LUZP2: variants seen among roughly 807,000 people sequenced by gnomAD.
LUZP2 encodes the protein leucine zipper protein 2.
LUZP2 carries 52 observed loss-of-function variants against 51.6 expected under a neutral mutation model. The ratio of observed to expected loss-of-function variants is 1.01; its 90% CI spans 0.81 to 1.27. The LOEUF (loss-of-function observed/expected upper bound fraction) is 1.27. LUZP2 is among the 50% of genes most tolerant of loss of function. LUZP2 has a pLI of 0.00. For missense variants in LUZP2, 436 were observed against 395.4 expected (o/e 1.10, Z -0.87); for synonymous variants, 154 against 137.3 (o/e 1.12, Z -0.85).
chr11:24,841,199 T>C (rs1851020653), intron 5 of LUZP2, among the ~76,000 whole-genome samples: 1 of 151,932 alleles, frequency 6.6e-6, no homozygotes, highest in Non-Finnish European at 1.5e-5. Flanking sequence ...GAAACTTCCA[T>C]GGTGGAATTA....
intron 5 of LUZP2, among the ~76,000 whole-genome samples, chr11:24,809,576 C>A (rs1032857705): frequency 1.3e-5 from 2 of 151,940 alleles, no homozygotes; most frequent in East Asian, 1.9e-4. Context: ...CATAGCCAAG[C>A]CTTAAGGTAT....
chr11:25,076,480 TAAA>T (rs999910276), intron 10 of LUZP2, among the ~76,000 whole-genome samples: 8 of 147,202 alleles, frequency 5.4e-5, no homozygotes, highest in African/African-American at 1.5e-4. Flanking sequence ...ATGTATATGA[TAAA>T]GAAGAAAGGA....
At chr11:24,676,166 T>C (rs2133859394) in intron 1 of LUZP2, among the ~76,000 whole-genome samples, 1 of 152,186 alleles carries the variant, frequency 6.6e-6, no homozygotes, top group Non-Finnish European at 1.5e-5. Flanking sequence ...TAATGGCAGA[T>C]TTTACTCTTC....
intron 5 of LUZP2, among the ~76,000 whole-genome samples, chr11:24,896,488 C>A (rs1435351871): frequency 6.6e-6 from 1 of 152,188 alleles, no homozygotes; most frequent in Non-Finnish European, 1.5e-5. Context: ...CCCACCCATG[C>A]TGCGCTCAAA....
intron 7 of LUZP2, among the ~76,000 whole-genome samples, chr11:24,949,273 T>A (rs923305385): frequency 1.3e-5 from 2 of 151,188 alleles, no homozygotes; most frequent in Non-Finnish European, 3.0e-5. Context: ...TCTTCCTATC[T>A]ATCTATTATC....
intron 5 of LUZP2, chr11:24,890,783 A>G (rs1408366422): frequency 2.2e-6 from 1 of 453,056 alleles, no homozygotes; most frequent in Non-Finnish European, 2.9e-6. Flanking sequence ...TTGTGCAAAT[A>G]AGAAAATACA....
At chr11:24,524,697 T>C (rs561058608) in intron 1 of LUZP2, among the ~76,000 whole-genome samples, 2 of 151,734 alleles carry the variant, frequency 1.3e-5, no homozygotes, top group Admixed American at 1.3e-4. Context: ...AGATATTGAA[T>C]AGCAATTTTT....
intron 5 of LUZP2, among the ~76,000 whole-genome samples, chr11:24,848,757 A>G (rs1357172200): frequency 1.3e-5 from 2 of 152,182 alleles, no homozygotes; most frequent in Non-Finnish European, 2.9e-5. Context: ...AAACATTTCA[A>G]TTCTTTTTAT....
chr11:24,825,907 C>T (rs1384587829), intron 5 of LUZP2, among the ~76,000 whole-genome samples: 1 of 151,584 alleles, frequency 6.6e-6, no homozygotes, highest in East Asian at 1.9e-4. Flanking sequence ...AAAAGTTGGC[C>T]GAGCGCGATG....
At position 24,596,646 on chromosome 11, in the gene LUZP2, T is replaced by C. The variant is rs567757243; in HGVS notation, c.62+99341T>C. On this transcript the variant is annotated intron_variant, in intron 1 of 11. Transcript: ENST00000336930. ...ATCTAGATATTTAGTCAGGAATCCATAAAGACAGTGGCTGTAAGCAATACG... is the reference window on the plus strand; with the variant it reads ...ATCTAGATATTTAGTCAGGAATCCACAAAGACAGTGGCTGTAAGCAATACG... Among the ~76,000 whole-genome samples the C allele has an allele frequency of 9.5e-4, 145 of 152,254 alleles. 1 individual carries two copies. Among genetic ancestry groups the C allele is most frequent in the Non-Finnish European group, 5.7e-4 (39 of 68,002 alleles).
At chr11:24,632,595 A>G (rs1030986020) in intron 1 of LUZP2, among the ~76,000 whole-genome samples, 1 of 151,992 alleles carries the variant, frequency 6.6e-6, no homozygotes, top group African/African-American at 2.4e-5. Flanking sequence ...ATTAATCAGC[A>G]CATGAAAATT....
chr11:24,879,202 C>A (rs916267135), intron 5 of LUZP2, among the ~76,000 whole-genome samples: 1 of 152,076 alleles, frequency 6.6e-6, no homozygotes, highest in Non-Finnish European at 1.5e-5. Flanking sequence ...CCTAGGCCTC[C>A]CAAAGTACTG....
intron 7 of LUZP2, among the ~76,000 whole-genome samples, chr11:24,944,271 A>G (rs1046133135): frequency 1.3e-5 from 2 of 152,126 alleles, no homozygotes; most frequent in Non-Finnish European, 2.9e-5. Flanking sequence ...CCACCACTTT[A>G]AGGTCAGTTG....
In LUZP2 at chr11:24,613,227, G is replaced by C. The variant is rs796562250; in HGVS notation, c.62+115922G>C. Among the ~76,000 whole-genome samples the C allele has an allele frequency of 6.6e-5, 10 of 152,162 alleles. 1 individual carries two copies. The highest frequency in any genetic ancestry group is 2.2e-4 in the African/African-American group (9 of 41,550). ...CTTGGTAAAGGGGTGAATTCTATCTGACATAGAGGTGATGCTTTTATATTT... is the reference window on the plus strand; with the variant it reads ...CTTGGTAAAGGGGTGAATTCTATCTCACATAGAGGTGATGCTTTTATATTT... On this transcript the variant is annotated intron_variant, in intron 1 of 11. Transcript: ENST00000336930.
At chr11:24,609,051 A>G (rs113482966) in intron 1 of LUZP2, among the ~76,000 whole-genome samples, 8 of 152,264 alleles carry the variant, frequency 5.3e-5, no homozygotes, top group African/African-American at 1.9e-4. Context: ...AACATCATCT[A>G]GGAGGGCTCC....
intron 1 of LUZP2, among the ~76,000 whole-genome samples, chr11:24,617,737 C>G (rs1380740330): frequency 6.6e-6 from 1 of 151,950 alleles, no homozygotes; most frequent in South Asian, 2.1e-4. Context: ...AGGGTAATCT[C>G]TTGAACCTCG....
chr11:24,726,479 A>T (rs1425578118), intron 1 of LUZP2, among the ~76,000 whole-genome samples: 1 of 152,014 alleles, frequency 6.6e-6, no homozygotes, highest in African/African-American at 2.4e-5. Flanking sequence ...ATTAAAAAAA[A>T]AATAAATACA....
intron 5 of LUZP2, among the ~76,000 whole-genome samples, chr11:24,877,073 A>G (rs1390541103): frequency 2.6e-5 from 4 of 152,162 alleles, no homozygotes; most frequent in Non-Finnish European, 5.9e-5. Context: ...ATTCTAACTA[A>G]TAAAAGCATC....
At chr11:24,934,556 A>G (rs1219187476) in intron 7 of LUZP2, among the ~76,000 whole-genome samples, 1 of 152,104 alleles carries the variant, frequency 6.6e-6, no homozygotes, top group Non-Finnish European at 1.5e-5. Context: ...TACCTTTCTT[A>G]TTTTAAATTT....
Sources: allele counts gnomAD v4.1 joint callset (sites outside exome capture counted in the v4.1 genomes callset), GRCh38; gene constraint gnomAD v4.1.1; transcripts MANE v1.5; gene names NCBI Gene and HGNC (gene_info 2026-07-23, HGNC 2026-07-21).